The following PIP5K1B variants were observed in gnomAD, a reference collection of about 807,000 sequenced individuals.
PIP5K1B encodes the protein phosphatidylinositol-4-phosphate 5-kinase type 1 beta.
In PIP5K1B, 42 loss-of-function variants were observed where a neutral mutation model predicts 67.0. The observed-to-expected ratio is 0.63, with a 90% CI of 0.49 to 0.81. PIP5K1B has a LOEUF of 0.81. Ranked by LOEUF, PIP5K1B falls within the 30% of genes least tolerant of loss-of-function variation. The pLI, the probability that PIP5K1B is intolerant of heterozygous loss-of-function variation, is 0.00. For missense variants in PIP5K1B, 459 were observed against 646.3 expected, an observed-to-expected ratio of 0.71 and a Z score of 3.14; for synonymous variants, 214 against 231.4, an observed-to-expected ratio of 0.92 and a Z score of 0.68.
intron 2 of PIP5K1B, among the ~76,000 whole-genome samples, chr9:68,774,811 T>C (rs970653127): frequency 1.3e-5 from 2 of 152,226 alleles, no homozygotes; most frequent in Non-Finnish European, 2.9e-5. Flanking sequence ...TTATGTCTGG[T>C]GCCTCTTTTG....
intron 15 of PIP5K1B, among the ~76,000 whole-genome samples, chr9:69,005,450 C>T (rs1009444907): frequency 2.6e-5 from 4 of 151,934 alleles, no homozygotes; most frequent in Admixed American, 6.6e-5. Flanking sequence ...TTCAATGGTG[C>T]GATCTCAGCT....
intron 8 of PIP5K1B, among the ~76,000 whole-genome samples, chr9:68,899,973 A>C (rs1313409981): frequency 6.6e-6 from 1 of 152,120 alleles, no homozygotes; most frequent in Non-Finnish European, 1.5e-5. Flanking sequence ...TTATGTTCAC[A>C]TGTGCTCAAT....
rs540764185 is a variant in PIP5K1B, at chr9:68,986,840, T to C, written c.1503-4300T>C. On this transcript the variant is annotated intron_variant, in intron 14 of 15. Coordinates refer to ENST00000265382, the MANE Select transcript of PIP5K1B (RefSeq NM_003558.4). ...GTAACTCTTAGATTGAAAAATACTT[T>C]CAAAGTGGGTGGGTTTGCCTCTAGG... Among the ~76,000 whole-genome samples, 3 of 152,340 alleles carry C rather than the reference T, an allele frequency of 2.0e-5. No homozygotes were observed. In the East Asian group the frequency reaches 5.8e-4, roughly 29 times the overall value.
At chr9:68,737,918 C>G (rs1828816645) in intron 1 of PIP5K1B, among the ~76,000 whole-genome samples, 1 of 152,170 alleles carries the variant, frequency 6.6e-6, no homozygotes, top group Non-Finnish European at 1.5e-5. Context: ...CCAAAGACAT[C>G]AAAGCATTTG....
At chr9:68,840,572 G>A (rs1821865681) in intron 4 of PIP5K1B, among the ~76,000 whole-genome samples, 1 of 152,184 alleles carries the variant, frequency 6.6e-6, no homozygotes, top group South Asian at 2.1e-4. Flanking sequence ...GGAGGCTCTA[G>A]GAGAGAAGCC....
At chr9:68,935,622 A>G (rs1389609954) in intron 13 of PIP5K1B, among the ~76,000 whole-genome samples, 1 of 152,232 alleles carries the variant, frequency 6.6e-6, no homozygotes. Context: ...TGATGGTAAC[A>G]AATACTAACA....
At chr9:68,722,467 G>A (rs1028143840) in intron 1 of PIP5K1B, among the ~76,000 whole-genome samples, 3 of 151,788 alleles carry the variant, frequency 2.0e-5, no homozygotes, top group Non-Finnish European at 4.4e-5. Context: ...CGCCCGCCTC[G>A]GCCTCCCAGA....
At chr9:68,780,971 G>A in intron 2 of PIP5K1B, 1 of 1,614,182 alleles carries the variant, frequency 6.2e-7, no homozygotes, top group South Asian at 1.1e-5. Context: ...ACTCTCCTGT[G>A]TCACCTGCCC....
intron 6 of PIP5K1B, 93 bp downstream of exon 6, chr9:68,876,887 T>C (rs535078861): frequency 4.5e-5 from 33 of 735,912 alleles, no homozygotes; most frequent in African/African-American, 4.2e-4. Flanking sequence ...TGTCTCTCAT[T>C]TTATAAAGCT....
At chr9:68,750,324 A>C (rs1308617206) in intron 2 of PIP5K1B, among the ~76,000 whole-genome samples, 1 of 152,228 alleles carries the variant, frequency 6.6e-6, no homozygotes, top group African/African-American at 2.4e-5. Context: ...ATTGCCTGTC[A>C]GTTATGCTAA....
At chr9:68,876,106 A>T (rs1348693240) in intron 5 of PIP5K1B, among the ~76,000 whole-genome samples, 3 of 152,236 alleles carry the variant, frequency 2.0e-5, no homozygotes, top group Non-Finnish European at 4.4e-5. Flanking sequence ...GGAAAAGAAG[A>T]TAATGATATA....
rs566302654 is a variant in PIP5K1B, at chr9:68,854,266, G to C, written c.70-9571G>C. ...CTGCCTCAGCCTCCTGAGTAACTGG[G>C]ACTACAGGTGCCGCCACCATGCCTG... is the stretch of plus-strand genomic sequence containing the variant. On this transcript the variant is annotated intron_variant, in intron 4 of 15. Transcript: ENST00000265382. Among the ~76,000 whole-genome samples the C allele has an allele frequency of 1.5e-4, 23 of 151,800 alleles. No individual in the cohort carries two copies. The South Asian group carries it at 4.2e-3, about 28-fold the overall frequency.
rs903674047 is a variant in PIP5K1B, at chr9:68,713,371, C to T, written c.-243+7609C>T. Among the ~76,000 whole-genome samples the T allele has an allele frequency of 2.1e-4, 32 of 152,104 alleles. 1 individual carries two copies. The highest frequency in any genetic ancestry group is 7.7e-4 in the African/African-American group (32 of 41,408). On this transcript the variant is annotated intron_variant, in intron 1 of 15. Transcript: ENST00000265382. ...CCAAGATCGCACCATTGCACTCCAG[C>T]CTGGGTGACAAGAGTGAAACTCCGA...
intron 8 of PIP5K1B, among the ~76,000 whole-genome samples, chr9:68,899,034 A>G (rs1190720607): frequency 6.6e-6 from 1 of 152,198 alleles, no homozygotes; most frequent in Non-Finnish European, 1.5e-5. Context: ...GGTCCCTGCT[A>G]CATTCTCCAG....
intron 7 of PIP5K1B, 103 bp from the exon 8 acceptor site, chr9:68,894,236 C>A: frequency 1.3e-6 from 1 of 753,212 alleles, no homozygotes; most frequent in Admixed American, 2.8e-5. Flanking sequence ...ATAATCACAT[C>A]CCATTTTTAA....
intron 4 of PIP5K1B, among the ~76,000 whole-genome samples, chr9:68,833,915 C>A (rs1276140063): frequency 6.6e-6 from 1 of 152,140 alleles, no homozygotes; most frequent in East Asian, 1.9e-4. Flanking sequence ...GGTGGCTGGA[C>A]ATGGACTTGG....
chr9:68,932,883 C>G (rs977439788), intron 12 of PIP5K1B, among the ~76,000 whole-genome samples: 5 of 151,972 alleles, frequency 3.3e-5, no homozygotes, highest in Non-Finnish European at 5.9e-5. Context: ...GGCAGATCAC[C>G]TGAGGTCAGG....
chr9:68,998,214 ACT>A (rs1830677425), intron 15 of PIP5K1B, among the ~76,000 whole-genome samples: 1 of 150,814 alleles, frequency 6.6e-6, no homozygotes, highest in South Asian at 2.1e-4. Context: ...GGGACTACAG[ACT>A]CACACCACCA....
chr9:68,843,610 G>C (rs879739476), intron 4 of PIP5K1B, among the ~76,000 whole-genome samples: 1 of 152,128 alleles, frequency 6.6e-6, no homozygotes, highest in Non-Finnish European at 1.5e-5. Flanking sequence ...CCAGCATCAG[G>C]ACCACCCATC....
Sources: gnomAD v4.1 joint callset for allele counts (sites outside exome capture counted in the v4.1 genomes callset) on GRCh38, gnomAD v4.1.1 for gene constraint, MANE v1.5 for transcripts, NCBI Gene and HGNC (gene_info 2026-07-23, HGNC 2026-07-21) for gene names.